Variants in PCDHGA3 observed in about 807,000 individuals in gnomAD.
PCDHGA3 encodes the protein protocadherin gamma subfamily A, 3.
Under a neutral mutation model 58.5 loss-of-function variants are expected in PCDHGA3, and 40 were observed. The observed-to-expected ratio is 0.68, with a 90% CI of 0.53 to 0.89. The LOEUF (loss-of-function observed/expected upper bound fraction) is 0.89, where lower values mean the gene tolerates loss of function less well. Ranked by LOEUF, PCDHGA3 falls within the 40% of genes least tolerant of loss-of-function variation. The pLI is 0.00. For synonymous variants in PCDHGA3, 530 were observed against 525.7 expected (o/e 1.01, Z -0.11); for missense variants, 1,223 against 1,195.9 (o/e 1.02, Z -0.33).
At chr5:141,363,754 T>C (rs769880289) in intron 1 of PCDHGA3, among the ~76,000 whole-genome samples, 4 of 152,238 alleles carry the variant, frequency 2.6e-5, no homozygotes, top group Non-Finnish European at 4.4e-5. Context: ...GGTATTCTTA[T>C]ATGCAAATAA....
chr5:141,472,673 C>T (rs2099292538), intron 1 of PCDHGA3, among the ~76,000 whole-genome samples: 3 of 151,340 alleles, frequency 2.0e-5, no homozygotes, highest in Admixed American at 2.0e-4. Context: ...GTATACTGGT[C>T]CTTCCATTTC....
rs376764580 is a variant in PCDHGA3 at position 141,400,568 on chromosome 5, T to C, written c.2424+54111T>C. On this transcript the variant is annotated intron_variant, in intron 1 of 3. Coordinates refer to ENST00000253812, the MANE Select transcript of PCDHGA3 (RefSeq NM_018916.4). ...TATTCTTTTTCATTACCCACCCAATTTTCTGTATTTACATGAAACTATCGT... is the reference window on the plus strand; with the variant it reads ...TATTCTTTTTCATTACCCACCCAATCTTCTGTATTTACATGAAACTATCGT... 46 of 1,612,870 alleles carry C rather than the reference T, an allele frequency of 2.9e-5. No homozygotes were observed. In the African/African-American group the frequency reaches 5.7e-4, roughly 20 times the overall value.
chr5:141,505,679 G>A (rs1350871637), intron 3 of PCDHGA3, among the ~76,000 whole-genome samples, 198 bp downstream of exon 3: 24 of 152,172 alleles, frequency 1.6e-4, no homozygotes, highest in Non-Finnish European at 3.5e-4. Flanking sequence ...TGGGGGTCCT[G>A]GGATGCCTGG....
intron 1 of PCDHGA3, among the ~76,000 whole-genome samples, chr5:141,462,399 T>C (rs2099038838): frequency 6.6e-6 from 1 of 152,236 alleles, no homozygotes; most frequent in South Asian, 2.1e-4. Flanking sequence ...ATTTCTTTTA[T>C]GGCACAGAAT....
intron 1 of PCDHGA3, chr5:141,385,685 C>T (rs1022994434): frequency 3.0e-6 from 1 of 331,334 alleles, no homozygotes; most frequent in Non-Finnish European, 4.5e-6. Flanking sequence ...CAGCTGTCTT[C>T]TCAGGATTCT....
chr5:141,473,848 A>T (rs1281010822), intron 1 of PCDHGA3, among the ~76,000 whole-genome samples: 1 of 152,198 alleles, frequency 6.6e-6, no homozygotes, highest in Non-Finnish European at 1.5e-5. Flanking sequence ...TTTTAGGAAG[A>T]TGAACCTCGC....
Position 141,477,203 on chromosome 5 carries a change from G to T in PCDHGA3, c.2425-17604G>T. On this transcript the variant is annotated intron_variant, in intron 1 of 3. Coordinates refer to ENST00000253812, the MANE Select transcript of PCDHGA3 (RefSeq NM_018916.4). The surrounding 1 kb of genome is among the most constrained non-coding windows in gnomAD (Gnocchi z 4.9). ...CACCTCCGTGTACAGCCCAGTACCC[G>T]AGGATGCCCCTCTGGGGACTGTCAT... 1 of 1,614,176 alleles carries T rather than the reference G, an allele frequency of 6.2e-7. No individual in the cohort carries two copies. The highest frequency in any genetic ancestry group is 1.1e-5 in the South Asian group (1 of 91,082).
At chr5:141,361,866 G>A (rs1284566770) in intron 1 of PCDHGA3, 1 of 1,611,706 alleles carries the variant, frequency 6.2e-7, no homozygotes, top group East Asian at 2.2e-5. Flanking sequence ...TCTTCGATAT[G>A]GTGCCACGCG....
intron 1 of PCDHGA3, chr5:141,372,380 A>C (rs1201023988): frequency 8.7e-6 from 14 of 1,613,964 alleles, no homozygotes; most frequent in Non-Finnish European, 1.2e-5. Flanking sequence ...TGCTGCACCT[A>C]ATCTTCGCAG....
rs763187246 is a variant in PCDHGA3 at position 141,477,168 on chromosome 5, A to G, written c.2425-17639A>G. ...GTGGATGTGAATGACAACGCCCCGGAGATCACAGTCACCTCCGTGTACAGC... is the reference window on the plus strand; with the variant it reads ...GTGGATGTGAATGACAACGCCCCGGGGATCACAGTCACCTCCGTGTACAGC... On this transcript the variant is annotated intron_variant, in intron 1 of 3. Transcript: ENST00000253812. The surrounding 1 kb of genome is among the most constrained non-coding windows in gnomAD (Gnocchi z 4.9). The G allele has an allele frequency of 6.2e-7, 1 of 1,614,210 alleles. No homozygotes were observed. Among genetic ancestry groups the G allele is most frequent in the Non-Finnish European group, 8.5e-7 (1 of 1,180,040 alleles).
chr5:141,375,688 C>A, intron 1 of PCDHGA3: 2 of 1,614,256 alleles, frequency 1.2e-6, no homozygotes, highest in South Asian at 2.2e-5. Flanking sequence ...TGACAGCCAG[C>A]GACAGCGGGG....
chr5:141,511,267 C>G lies in PCDHGA3; in HGVS notation c.*94C>G. The G allele has an allele frequency of 6.5e-7, 1 of 1,549,404 alleles. No homozygotes were observed. The highest frequency in any genetic ancestry group is 8.7e-7 in the Non-Finnish European group (1 of 1,146,836). On this transcript the variant is annotated 3_prime_UTR_variant, in exon 4 of 4. Coordinates refer to ENST00000253812, the MANE Select transcript of PCDHGA3 (RefSeq NM_018916.4). Reference sequence around the variant, plus strand: ...CCAGGCCTCAGAGTTTCAGGGCTAACCCCCAGAATACTGGTAGGGGCCAAG... The same window carrying G: ...CCAGGCCTCAGAGTTTCAGGGCTAAGCCCCAGAATACTGGTAGGGGCCAAG...
Position 141,345,113 on chromosome 5 carries a change from C to G in PCDHGA3, c.1080C>G (p.Gly360=), listed in dbSNP as rs538796099. Residue 360 remains glycine (G), a synonymous_variant, in exon 1 of 4, where the codon GGC becomes GGG. Coordinates refer to ENST00000253812, the MANE Select transcript of PCDHGA3 (RefSeq NM_018916.4). ...TSLTSSVPEE[G]TVGREIALID... ...TCACAAGCTCAGTCCCAGAAGAGGG[C>G]ACCGTTGGAAGAGAAATTGCTCTTA... 5 of 1,613,976 alleles carry G rather than the reference C, an allele frequency of 3.1e-6. No homozygotes were observed. Among genetic ancestry groups the G allele is most frequent in the Non-Finnish European group, 4.2e-6 (5 of 1,179,872 alleles).
In PCDHGA3 at chr5:141,418,400, G is replaced by C; in HGVS notation, c.2424+71943G>C. ...AAGTCCTAACGAGTATTTCTCATTGGTGGAGAAAGACAATCCTGATGGTGG... is the reference window on the plus strand; with the variant it reads ...AAGTCCTAACGAGTATTTCTCATTGCTGGAGAAAGACAATCCTGATGGTGG... On this transcript the variant is annotated intron_variant, in intron 1 of 3. Coordinates refer to ENST00000253812, the MANE Select transcript of PCDHGA3 (RefSeq NM_018916.4). The C allele has an allele frequency of 6.2e-7, 1 of 1,613,900 alleles. No homozygotes were observed. The highest frequency in any genetic ancestry group is 8.5e-7 in the Non-Finnish European group (1 of 1,179,794).
chr5:141,371,142 A>G, intron 1 of PCDHGA3: 1 of 1,614,010 alleles, frequency 6.2e-7, no homozygotes, highest in Non-Finnish European at 8.5e-7. Flanking sequence ...GTACAGGGTC[A>G]ATGTTGCAGA....
chr5:141,421,965 C>T (rs775450008), intron 1 of PCDHGA3: 3 of 1,610,242 alleles, frequency 1.9e-6, no homozygotes, highest in Non-Finnish European at 2.5e-6. Context: ...TTACACAGTC[C>T]GTATATCGCG....
At chr5:141,494,682 C>G (rs1282135022) in intron 1 of PCDHGA3, 125 bp from the exon 2 acceptor site, 16 of 1,564,362 alleles carry the variant, frequency 1.0e-5, no homozygotes, top group African/African-American at 1.4e-5. Context: ...ACCCCTGCCC[C>G]CTCTTAGTCC....
At chr5:141,410,666 T>C (rs376209053) in intron 1 of PCDHGA3, 1 of 1,566,008 alleles carries the variant, frequency 6.4e-7, no homozygotes, top group Non-Finnish European at 8.6e-7. Flanking sequence ...AGTCTACTAG[T>C]TTCTCATATT....
intron 1 of PCDHGA3, among the ~76,000 whole-genome samples, chr5:141,488,741 C>A (rs2099678972): frequency 1.3e-5 from 2 of 152,310 alleles, no homozygotes; most frequent in South Asian, 4.1e-4. Context: ...TGAAGTCATG[C>A]AGGAAGTTGC....
Sources: allele counts gnomAD v4.1 joint callset (sites outside exome capture counted in the v4.1 genomes callset), GRCh38; gene constraint gnomAD v4.1.1; non-coding constraint Gnocchi (gnomAD v3.1); transcripts MANE v1.5; gene names NCBI Gene and HGNC (gene_info 2026-07-23, HGNC 2026-07-21).